The following ZBTB38 variants were observed in gnomAD, a reference collection of about 807,000 sequenced individuals.
The protein encoded by ZBTB38 is zinc finger and BTB domain containing 38.
In ZBTB38, 20 loss-of-function variants were observed where a neutral mutation model predicts 76.8. That is an observed-to-expected ratio of 0.26 (90% CI 0.18 to 0.38). The LOEUF is 0.38. ZBTB38 is among the 10% of genes least tolerant of loss of function. ZBTB38 has a pLI of 1.00. For missense variants in ZBTB38, 1,082 were observed against 1,482.3 expected, an observed-to-expected ratio of 0.73 and a Z score of 4.43; for synonymous variants, 504 against 544.2, an observed-to-expected ratio of 0.93 and a Z score of 1.03.
chr3:141,414,654 CCT>C (rs747937125), intron 5 of ZBTB38, among the ~76,000 whole-genome samples: 4 of 152,122 alleles, frequency 2.6e-5, no homozygotes, highest in Non-Finnish European at 5.9e-5. Flanking sequence ...AGAGGAAGCC[CCT>C]CTGTGTCCAG....
At chr3:141,422,244 C>T (rs1318043882) in intron 5 of ZBTB38, among the ~76,000 whole-genome samples, 1 of 152,208 alleles carries the variant, frequency 6.6e-6, no homozygotes, top group African/African-American at 2.4e-5. Flanking sequence ...CAGCAGAGGC[C>T]TCCTGGGTAG....
intron 2 of ZBTB38, among the ~76,000 whole-genome samples, chr3:141,375,134 TTTAAC>T (rs1274502763): frequency 6.6e-6 from 1 of 152,254 alleles, no homozygotes; most frequent in Non-Finnish European, 1.5e-5. Context: ...TATGCCAGAA[TTTAAC>T]TTAAAGTCTT....
chr3:141,339,358 G>A (rs951549131), intron 1 of ZBTB38, among the ~76,000 whole-genome samples: 1 of 152,178 alleles, frequency 6.6e-6, no homozygotes, highest in African/African-American at 2.4e-5. Context: ...GGAGCATTTT[G>A]AACAGAAGAG....
upstream of ZBTB38, chr3:141,367,051 A>T (rs1051567079): frequency 2.0e-5 from 3 of 152,302 alleles, no homozygotes; most frequent in African/African-American, 7.2e-5. Context: ...TACCATTGTC[A>T]GGTCCAGATC....
At chr3:141,374,526 T>G (rs905080406) in intron 2 of ZBTB38, among the ~76,000 whole-genome samples, 1 of 152,102 alleles carries the variant, frequency 6.6e-6, no homozygotes, top group African/African-American at 2.4e-5. Flanking sequence ...GGACCCCTCA[T>G]CTTTGTCCAA....
At chr3:141,407,889 G>A (rs865828870) in intron 5 of ZBTB38, among the ~76,000 whole-genome samples, 3 of 152,104 alleles carry the variant, frequency 2.0e-5, no homozygotes, top group Admixed American at 6.5e-5. Context: ...AAACAAATAC[G>A]TTCCAGAGAG....
intron 4 of ZBTB38, chr3:141,402,449 C>G (rs1466713882): frequency 6.6e-6 from 1 of 151,336 alleles, no homozygotes; most frequent in African/African-American, 2.4e-5. Flanking sequence ...AGCCGAGCCC[C>G]GTAAGTGCCC....
At chr3:141,421,149 C>T (rs917408554) in intron 5 of ZBTB38, among the ~76,000 whole-genome samples, 7 of 152,056 alleles carry the variant, frequency 4.6e-5, no homozygotes, top group South Asian at 2.1e-4. Flanking sequence ...GTAGTCACTC[C>T]GTTTTATAGA....
At chr3:141,416,051 G>A (rs2073961756) in intron 5 of ZBTB38, among the ~76,000 whole-genome samples, 1 of 152,150 alleles carries the variant, frequency 6.6e-6, no homozygotes, top group African/African-American at 2.4e-5. Context: ...TGGTGAAAAG[G>A]GAGGTGTAGC....
chr3:141,354,692 A>G (rs1943613169), intron 1 of ZBTB38, among the ~76,000 whole-genome samples: 1 of 152,114 alleles, frequency 6.6e-6, no homozygotes, highest in African/African-American at 2.4e-5. Flanking sequence ...GGAAGTACCC[A>G]TATCTTTTAC....
At chr3:141,420,954 C>T (rs2075211157) in intron 5 of ZBTB38, among the ~76,000 whole-genome samples, 1 of 149,886 alleles carries the variant, frequency 6.7e-6, no homozygotes, top group Non-Finnish European at 1.5e-5. Context: ...AAAAAAAATC[C>T]AGTCCTGGAG....
chr3:141,439,287 G>T (rs943968520), intron 5 of ZBTB38, among the ~76,000 whole-genome samples: 1 of 152,106 alleles, frequency 6.6e-6, no homozygotes, highest in African/African-American at 2.4e-5. Context: ...GTTGTTAAAA[G>T]GTGTGTCAAG....
chr3:141,344,420 GTGCAGTGGAACAA>G (rs1943283530), intron 1 of ZBTB38, among the ~76,000 whole-genome samples: 1 of 152,100 alleles, frequency 6.6e-6, no homozygotes. Context: ...CCAGATTGGA[GTGCAGTGGAACAA>G]TCACAACTCA....
At chr3:141,364,130 T>A (rs570002209), upstream of ZBTB38, among the ~76,000 whole-genome samples, 134 of 146,960 alleles carry the variant, frequency 9.1e-4, no homozygotes, top group Middle Eastern at 3.5e-3. Context: ...CTCAAAAATT[T>A]AAAAAAAAAA....
At chr3:141,426,239 A>G (rs1341295090) in intron 5 of ZBTB38, 2 of 1,272,226 alleles carry the variant, frequency 1.6e-6, no homozygotes, top group Non-Finnish European at 2.1e-6. Context: ...GGTAATTTTC[A>G]GCAGGATGCA....
chr3:141,423,164 T>G (rs184652512), intron 5 of ZBTB38, among the ~76,000 whole-genome samples: 1 of 152,258 alleles, frequency 6.6e-6, no homozygotes, highest in African/African-American at 2.4e-5. Context: ...CCTGAATCTC[T>G]CCAGGCCACT....
At chr3:141,401,845 A>C (rs1952085032) in intron 4 of ZBTB38, among the ~76,000 whole-genome samples, 1 of 152,230 alleles carries the variant, frequency 6.6e-6, no homozygotes, top group South Asian at 2.1e-4. Flanking sequence ...CTTTTGCGTG[A>C]AATAGTTTCT....
In ZBTB38 at chr3:141,395,254, G is replaced by T. The variant is rs548092747; in HGVS notation, c.-106+8317G>T. ...ATAACATAATACAAAAAGCAGATTG[G>T]TTAACATCAGGTTACTGCAGGTAAT... is the stretch of plus-strand genomic sequence containing the variant. On this transcript the variant is annotated intron_variant, in intron 4 of 5. Coordinates refer to ENST00000321464, the MANE Select transcript of ZBTB38 (RefSeq NM_001376113.1). Among the ~76,000 whole-genome samples the T allele has an allele frequency of 2.6e-5, 4 of 152,310 alleles. No individual in the cohort carries two copies. In the East Asian group the frequency reaches 7.7e-4, roughly 29 times the overall value.
chr3:141,422,633 G>A lies in ZBTB38; in HGVS notation c.-1+18602G>A, dbSNP rs376994257. 3.3e-5 allele frequency among the ~76,000 whole-genome samples: 5 copies of A among 152,128 alleles called. No individual in the cohort carries two copies. In the East Asian group the frequency reaches 5.8e-4, roughly 18 times the overall value. On this transcript the variant is annotated intron_variant, in intron 5 of 5. Coordinates refer to ENST00000321464, the MANE Select transcript of ZBTB38 (RefSeq NM_001376113.1). Reference sequence around the variant, plus strand: ...CTTTACTTGGACGGGAAGGGGCAACGTTTAGGCCTATAGAAGCCACTCAAG... The same window carrying A: ...CTTTACTTGGACGGGAAGGGGCAACATTTAGGCCTATAGAAGCCACTCAAG...
Sources: allele counts gnomAD v4.1 joint callset (sites outside exome capture counted in the v4.1 genomes callset), GRCh38; gene constraint gnomAD v4.1.1; transcripts MANE v1.5; gene names NCBI Gene and HGNC (gene_info 2026-07-23, HGNC 2026-07-21).